RGS5: variants seen among roughly 807,000 people sequenced by gnomAD.
RGS5 encodes the protein regulator of G protein signaling 5.
A neutral mutation model predicts 18.9 loss-of-function variants in RGS5; 20 were observed. That is an observed-to-expected ratio of 1.06 (90% CI 0.74 to 1.54). The LOEUF (loss-of-function observed/expected upper bound fraction) is 1.54, where lower values mean the gene tolerates loss of function less well. Among genes scored for constraint, RGS5 ranks in the 40% most tolerant of loss-of-function variants. RGS5 has a pLI of 0.00. For synonymous variants in RGS5, 57 were observed against 76.2 expected, an observed-to-expected ratio of 0.75 and a Z score of 1.31; for missense variants, 201 against 211.8, an observed-to-expected ratio of 0.95 and a Z score of 0.32.
At chr1:163,274,738 G>C (rs1648808982) in intron 2 of RGS5, among the ~76,000 whole-genome samples, 1 of 152,152 alleles carries the variant, frequency 6.6e-6, no homozygotes, top group Non-Finnish European at 1.5e-5. Flanking sequence ...TGAATTGTTG[G>C]ACATCAAGTT....
At chr1:163,203,569 T>C (rs1659857878), upstream of RGS5, among the ~76,000 whole-genome samples, 1 of 152,192 alleles carries the variant, frequency 6.6e-6, no homozygotes, top group African/African-American at 2.4e-5. Flanking sequence ...CAAATATGAA[T>C]AATTACTATA....
At chr1:163,240,149 C>G (rs759083389) in intron 2 of RGS5, among the ~76,000 whole-genome samples, 2 of 151,422 alleles carry the variant, frequency 1.3e-5, no homozygotes, top group Non-Finnish European at 2.9e-5. Flanking sequence ...TATATCAACA[C>G]AGTGAGTTAT....
At chr1:163,270,462 A>G (rs1571331587) in intron 2 of RGS5, among the ~76,000 whole-genome samples, 1 of 151,764 alleles carries the variant, frequency 6.6e-6, no homozygotes, top group Non-Finnish European at 1.5e-5. Flanking sequence ...CAAGGCTGCA[A>G]TGAGCCACAA....
At chr1:163,188,907 C>T (rs1032985926) in intron 1 of RGS5, among the ~76,000 whole-genome samples, 3 of 143,122 alleles carry the variant, frequency 2.1e-5, no homozygotes, top group Admixed American at 7.3e-5. Flanking sequence ...GAGCCAAGAT[C>T]GCACCACCAC....
chr1:163,304,924 A>G (rs1459032439), intron 2 of RGS5: 2 of 152,208 alleles, frequency 1.3e-5, no homozygotes, highest in Non-Finnish European at 2.9e-5. Context: ...TATAAGATAG[A>G]GCGTTATAAA....
intron 1 of RGS5, among the ~76,000 whole-genome samples, chr1:163,200,497 T>C (rs1374188695): frequency 6.6e-6 from 1 of 152,032 alleles, no homozygotes; most frequent in African/African-American, 2.4e-5. Context: ...AGTCAGATAA[T>C]AGAGCCATGG....
At chr1:163,290,636 A>T (rs1307504330) in intron 2 of RGS5, among the ~76,000 whole-genome samples, 1 of 148,634 alleles carries the variant, frequency 6.7e-6, no homozygotes, top group Non-Finnish European at 1.5e-5. Context: ...TGTCCAGAAG[A>T]CATGTGCAGC....
intron 2 of RGS5, among the ~76,000 whole-genome samples, chr1:163,292,424 G>A (rs1649311996): frequency 6.6e-6 from 1 of 152,124 alleles, no homozygotes; most frequent in South Asian, 2.1e-4. Context: ...TATCATTGAT[G>A]GGCATTTAGG....
intron 1 of RGS5, among the ~76,000 whole-genome samples, chr1:163,318,335 G>A (rs913558640): frequency 6.6e-6 from 1 of 152,142 alleles, no homozygotes; most frequent in African/African-American, 2.4e-5. Context: ...GAAATTTAAG[G>A]AGGCAAGTGA....
At chr1:163,267,049 G>GA (rs1648589135) in intron 2 of RGS5, among the ~76,000 whole-genome samples, 1 of 152,090 alleles carries the variant, frequency 6.6e-6, no homozygotes, top group Admixed American at 6.6e-5. Context: ...GTTATGGAGT[G>GA]AATGTTTGTG....
chr1:163,312,492 G>A (rs1649894814), intron 1 of RGS5, among the ~76,000 whole-genome samples: 1 of 152,196 alleles, frequency 6.6e-6, no homozygotes, highest in Admixed American at 6.5e-5. Context: ...AATTTGGCTA[G>A]GTTGAAAAGA....
chr1:163,320,694 T>C (rs1167564591), intron 1 of RGS5, among the ~76,000 whole-genome samples: 1 of 152,176 alleles, frequency 6.6e-6, no homozygotes, highest in East Asian at 1.9e-4. Flanking sequence ...TCCTTTTGGG[T>C]CTTACTAGAT....
upstream of RGS5, among the ~76,000 whole-genome samples, chr1:163,220,021 C>T (rs962185112): frequency 6.6e-6 from 1 of 152,114 alleles, no homozygotes; most frequent in African/African-American, 2.4e-5. Flanking sequence ...AATTTACATT[C>T]CCATCAGCAA....
At chr1:163,307,441 A>G (rs376915173) in intron 1 of RGS5, among the ~76,000 whole-genome samples, 4 of 152,288 alleles carry the variant, frequency 2.6e-5, no homozygotes, top group African/African-American at 7.2e-5. Flanking sequence ...ATATCAAATC[A>G]TGTAGAAAAA....
chr1:163,222,125 G>A (rs997266076), upstream of RGS5, among the ~76,000 whole-genome samples: 1 of 151,962 alleles, frequency 6.6e-6, no homozygotes, highest in African/African-American at 2.4e-5. Flanking sequence ...ATTACCTCAG[G>A]GGTCCCCAAC....
intron 2 of RGS5, among the ~76,000 whole-genome samples, chr1:163,259,312 C>T (rs750101215): frequency 2.1e-5 from 3 of 145,638 alleles, no homozygotes; most frequent in East Asian, 2.0e-4. Context: ...CCACCATGCC[C>T]GGCTAATTTT....
At chr1:163,279,028 T>C (rs1648927665) in intron 2 of RGS5, among the ~76,000 whole-genome samples, 1 of 152,018 alleles carries the variant, frequency 6.6e-6, no homozygotes. Context: ...ATAAAGCAAA[T>C]ATTATTCGAG....
chr1:163,172,631 A>G (rs1357901321), intron 1 of RGS5: 16 of 1,547,872 alleles, frequency 1.0e-5, no homozygotes, highest in Non-Finnish European at 1.3e-5. Context: ...AGTGCTTTGG[A>G]AAACACTTCT....
intron 2 of RGS5, among the ~76,000 whole-genome samples, chr1:163,274,981 T>C (rs1277632286): frequency 6.6e-6 from 1 of 152,092 alleles, no homozygotes; most frequent in East Asian, 1.9e-4. Context: ...CGGGGCATGG[T>C]AGTGCACACC....
Sources: allele counts gnomAD v4.1 joint callset (sites outside exome capture counted in the v4.1 genomes callset), GRCh38; gene constraint gnomAD v4.1.1; transcripts MANE v1.5; gene names NCBI Gene and HGNC (gene_info 2026-07-23, HGNC 2026-07-21).